Variants in RALGDS observed in about 807,000 individuals in gnomAD.
RALGDS encodes ral guanine nucleotide dissociation stimulator, also known as ral guanine nucleotide exchange factor.
A neutral mutation model predicts 99.8 loss-of-function variants in RALGDS; 44 were observed. The ratio of observed to expected loss-of-function variants is 0.44; its 90% CI spans 0.35 to 0.57. RALGDS has a LOEUF of 0.57. Ranked by LOEUF, RALGDS falls within the 20% of genes least tolerant of loss-of-function variation. The pLI, the probability that RALGDS is intolerant of heterozygous loss-of-function variation, is 0.01. For missense variants in RALGDS, 1,022 were observed against 1,203.1 expected, an observed-to-expected ratio of 0.85 and a Z score of 2.23; for synonymous variants, 529 against 505.0, an observed-to-expected ratio of 1.05 and a Z score of -0.64.
Position 133,121,205 on chromosome 9 carries a change from G to A in RALGDS, c.-51C>T, listed in dbSNP as rs982968162. On this transcript the variant is annotated 5_prime_UTR_variant, in exon 1 of 18. Transcript: ENST00000372050. ...GCCGGCCCGGCGCGCGGCGGGGGCG[G>A]CGGCGCGGCCCGCGCGGCTGGGCTT... The A allele has an allele frequency of 5.1e-6, 5 of 987,348 alleles. No homozygotes were observed. In the African/African-American group the frequency reaches 7.2e-5, roughly 14 times the overall value. 61.2% of individuals were successfully genotyped at this position (987,348 alleles called of 1,614,324 possible).
chr9:133,103,152 G>T, intron 12 of RALGDS, 78 bp downstream of exon 12: 1 of 1,556,312 alleles, frequency 6.4e-7, no homozygotes, highest in East Asian at 2.2e-5. Flanking sequence ...CTAAGGAGAG[G>T]GTAGGAGTTG....
At chr9:133,130,639 AACC>A (rs200447257) in intron 1 of RALGDS, among the ~76,000 whole-genome samples, 1 of 152,136 alleles carries the variant, frequency 6.6e-6, no homozygotes, top group Non-Finnish European at 1.5e-5. Context: ...AGTTGTAAAC[AACC>A]ACCACCACCA....
chr9:133,119,306 C>T (rs746079064), intron 1 of RALGDS, among the ~76,000 whole-genome samples: 12 of 152,130 alleles, frequency 7.9e-5, no homozygotes, highest in Non-Finnish European at 1.6e-4. Context: ...AGGGACTTCC[C>T]CGCCCCCTCC....
chr9:133,103,353 CA>C lies in RALGDS; in HGVS notation c.1759-92del. ...ATGCTGCACTATCAAGAGTGCCCAC[CA>C]GGGGGCAGGGCACGCACACCCCTGG... is the stretch of plus-strand genomic sequence containing the variant. On this transcript the variant is annotated intron_variant, in intron 11 of 17. Coordinates refer to ENST00000372050, the MANE Select transcript of RALGDS (RefSeq NM_006266.4). 5 of 1,498,874 alleles carry C rather than the reference CA, an allele frequency of 3.3e-6. No homozygotes were observed. In the Admixed American group the frequency reaches 5.1e-5, roughly 15 times the overall value. 92.8% of individuals were successfully genotyped at this position (1,498,874 alleles called of 1,614,324 possible).
At chr9:133,110,275 C>T in intron 3 of RALGDS, 21 bp downstream of exon 3, 1 of 1,608,366 alleles carries the variant, frequency 6.2e-7, no homozygotes, top group East Asian at 2.2e-5. Context: ...GCACCCTGTG[C>T]AGTGGAGGGC....
At chr9:133,130,724 C>T (rs760433934) in intron 1 of RALGDS, among the ~76,000 whole-genome samples, 4 of 152,150 alleles carry the variant, frequency 2.6e-5, no homozygotes, top group Admixed American at 2.0e-4. Context: ...CATTGGAAGC[C>T]ATCAGACGCA....
At chr9:133,105,716 G>A (rs1830984936) in intron 9 of RALGDS, among the ~76,000 whole-genome samples, 1 of 152,062 alleles carries the variant, frequency 6.6e-6, no homozygotes. Context: ...AATTAACTGG[G>A]GCCCTGTCCC....
chr9:133,122,952 C>T (rs1291121982), upstream of RALGDS, among the ~76,000 whole-genome samples: 1 of 152,180 alleles, frequency 6.6e-6, no homozygotes, highest in Non-Finnish European at 1.5e-5. Flanking sequence ...GAACCGCTCG[C>T]CTCGGCCTCC....
intron 1 of RALGDS, among the ~76,000 whole-genome samples, chr9:133,140,581 C>A (rs995392250): frequency 6.6e-6 from 1 of 152,082 alleles, no homozygotes; most frequent in Admixed American, 6.5e-5. Flanking sequence ...CAGTGGGTCC[C>A]GGCCCCCCTT....
At chr9:133,136,541 C>T (rs547576351) in intron 1 of RALGDS, among the ~76,000 whole-genome samples, 13 of 152,044 alleles carry the variant, frequency 8.6e-5, no homozygotes, top group South Asian at 2.1e-4. Flanking sequence ...TTTGGGAGGC[C>T]GAGGCGGGTG....
chr9:133,119,815 C>T (rs1409394657), intron 1 of RALGDS, among the ~76,000 whole-genome samples: 2 of 152,174 alleles, frequency 1.3e-5, no homozygotes, highest in Non-Finnish European at 2.9e-5. Context: ...GGTGTTCCCC[C>T]ACCAAGAGCT....
At chr9:133,099,113 C>T (rs1234246716) in intron 17 of RALGDS, 4 of 318,072 alleles carry the variant, frequency 1.3e-5, no homozygotes, top group Admixed American at 4.3e-5. Flanking sequence ...TCCTGCCCTA[C>T]TCAGGACAAG....
At chr9:133,112,677 C>T (rs1831406575) in intron 1 of RALGDS, among the ~76,000 whole-genome samples, 1 of 152,208 alleles carries the variant, frequency 6.6e-6, no homozygotes, top group South Asian at 2.1e-4. Context: ...CTCCTCTACC[C>T]AGCCTGGGGG....
At chr9:133,110,153 G>A in intron 3 of RALGDS, 143 bp downstream of exon 3, 8 of 864,276 alleles carry the variant, frequency 9.3e-6, no homozygotes, top group South Asian at 1.6e-5. Context: ...AACCCCATGA[G>A]GTCCTCTTAG....
chr9:133,104,195 G>A (rs1830903940), intron 10 of RALGDS, 68 bp downstream of exon 10: 3 of 1,501,608 alleles, frequency 2.0e-6, no homozygotes, highest in Non-Finnish European at 1.8e-6. Context: ...CGTGGCTAGA[G>A]AGGAAAGGGC....
At chr9:133,106,934 A>G in intron 7 of RALGDS, 151 bp downstream of exon 7, 1 of 949,608 alleles carries the variant, frequency 1.1e-6, no homozygotes, top group Admixed American at 2.0e-5. Flanking sequence ...TGTAAGGAAG[A>G]CGTGAGCATC....
At chr9:133,123,961 G>GACAGAGACACAGACACACAC (rs1564247652), upstream of RALGDS, among the ~76,000 whole-genome samples, 2 of 123,568 alleles carry the variant, frequency 1.6e-5, no homozygotes, top group Admixed American at 8.6e-5. Context: ...CACACACAGA[G>GACAGAGACACAGACACACAC]ACACACACAT....
At chr9:133,140,088 TA>T (rs1335986335) in intron 1 of RALGDS, among the ~76,000 whole-genome samples, 1 of 138,950 alleles carries the variant, frequency 7.2e-6, no homozygotes, top group East Asian at 2.1e-4. Flanking sequence ...TCGGGACAGA[TA>T]AGTGCTGCTG....
intron 11 of RALGDS, 113 bp from the exon 12 acceptor site, chr9:133,103,375 C>T: frequency 4.4e-6 from 6 of 1,366,134 alleles, no homozygotes; most frequent in Non-Finnish European, 6.2e-6. Context: ...CACGCACACC[C>T]CTGGATTGAA....
Sources: gnomAD v4.1 joint callset for allele counts (sites outside exome capture counted in the v4.1 genomes callset) on GRCh38, gnomAD v4.1.1 for gene constraint, MANE v1.5 for transcripts, NCBI Gene and HGNC (gene_info 2026-07-23, HGNC 2026-07-21) for gene names.